The following UBE2E2 variants were observed in gnomAD, a reference collection of about 807,000 sequenced individuals.
The protein encoded by UBE2E2 is ubiquitin-conjugating enzyme E2 E2.
In UBE2E2, 6 loss-of-function variants were observed where a neutral mutation model predicts 24.7. The observed-to-expected ratio is 0.24, with a 90% CI of 0.13 to 0.48. The LOEUF (loss-of-function observed/expected upper bound fraction) is 0.48, where lower values mean the gene tolerates loss of function less well. Ranked by LOEUF, UBE2E2 falls within the 20% of genes least tolerant of loss-of-function variation. The pLI, the probability that UBE2E2 is intolerant of heterozygous loss-of-function variation, is 0.99. For missense variants in UBE2E2, 169 were observed against 245.0 expected, an observed-to-expected ratio of 0.69 and a Z score of 2.07; for synonymous variants, 104 against 83.6, an observed-to-expected ratio of 1.24 and a Z score of -1.33.
At chr3:23,544,901 G>C (rs199652978) in intron 5 of UBE2E2, among the ~76,000 whole-genome samples, 11 of 152,076 alleles carry the variant, frequency 7.2e-5, no homozygotes, top group Non-Finnish European at 1.0e-4. Context: ...ATAGTGGGGA[G>C]AGGGTCAGCA....
intron 4 of UBE2E2, among the ~76,000 whole-genome samples, chr3:23,512,877 A>C (rs111517440): frequency 0.036 from 5,493 of 152,226 alleles, 339 homozygotes; most frequent in African/African-American, 0.12. Flanking sequence ...CCCAGGAGGC[A>C]GAGGTTGCAG....
At chr3:23,302,565 G>C (rs1167520674) in intron 3 of UBE2E2, among the ~76,000 whole-genome samples, 2 of 152,144 alleles carry the variant, frequency 1.3e-5, no homozygotes, top group African/African-American at 4.8e-5. Context: ...GTGCTGAATA[G>C]CTTATCATCT....
chr3:23,499,068 A>C (rs556751424), intron 3 of UBE2E2, among the ~76,000 whole-genome samples: 1 of 152,362 alleles, frequency 6.6e-6, no homozygotes, highest in East Asian at 1.9e-4. Flanking sequence ...CAGTTATAAA[A>C]CAAAATGATA....
intron 3 of UBE2E2, among the ~76,000 whole-genome samples, chr3:23,292,490 A>C (rs1236406964): frequency 6.6e-6 from 1 of 152,094 alleles, no homozygotes; most frequent in African/African-American, 2.4e-5. Flanking sequence ...CATAGGGCCC[A>C]AGGCTTGCTC....
rs199806816 is a variant in UBE2E2, at chr3:23,334,567, T to C, written c.227+117255T>C. ...TAAGTGAAGAAATTATAACTATAAT[T>C]TCGAAGTTTATTTTAAATAATCTAG... On this transcript the variant is annotated intron_variant, in intron 3 of 5. Transcript: ENST00000396703. Among the ~76,000 whole-genome samples, 3 of 152,326 alleles carry C rather than the reference T, an allele frequency of 2.0e-5. No homozygotes were observed. In the East Asian group the frequency reaches 5.8e-4, roughly 29 times the overall value.
rs147057735 is a variant in UBE2E2, at chr3:23,373,486, G to A, written c.228-126122G>A. Among the ~76,000 whole-genome samples, 323 of 152,142 alleles carry A rather than the reference G, an allele frequency of 2.1e-3. 1 individual carries two copies. The highest frequency in any genetic ancestry group is 6.9e-3 in the African/African-American group (286 of 41,494). ...AGGTGCCAAAGACACTCTGCTTGGT[G>A]CCTAAGACACCAAAGTGAAAACAAC... On this transcript the variant is annotated intron_variant, in intron 3 of 5. Transcript: ENST00000396703.
At chr3:23,206,023 C>A (rs6550745) in intron 1 of UBE2E2, among the ~76,000 whole-genome samples, 152,210 of 152,356 alleles carry the variant, frequency 1, 76,032 homozygotes, top group Middle Eastern at 1. Context: ...TAGTTTATTA[C>A]GCTGAAGCTG....
chr3:23,357,984 C>A (rs1319964127), intron 3 of UBE2E2, among the ~76,000 whole-genome samples: 2 of 152,124 alleles, frequency 1.3e-5, no homozygotes, highest in Admixed American at 6.5e-5. Context: ...TGCAGGTGTG[C>A]ACCACCATGC....
intron 5 of UBE2E2, among the ~76,000 whole-genome samples, chr3:23,584,177 T>C (rs1010606086): frequency 3.9e-5 from 6 of 152,174 alleles, no homozygotes; most frequent in Admixed American, 3.3e-4. Context: ...GATGATCACG[T>C]GGTTTTTTGT....
chr3:23,265,635 G>A (rs1409564973), intron 3 of UBE2E2, among the ~76,000 whole-genome samples: 1 of 152,166 alleles, frequency 6.6e-6, no homozygotes, highest in Non-Finnish European at 1.5e-5. Flanking sequence ...GCATGTGGTT[G>A]AGGCCACAGG....
chr3:23,579,615 A>T (rs2125517846), intron 5 of UBE2E2, among the ~76,000 whole-genome samples: 1 of 150,032 alleles, frequency 6.7e-6, no homozygotes, highest in Middle Eastern at 3.6e-3. Flanking sequence ...CAGGAGGATC[A>T]CTTGAGCCCA....
chr3:23,372,416 C>T (rs112937328), intron 3 of UBE2E2, among the ~76,000 whole-genome samples: 4 of 152,236 alleles, frequency 2.6e-5, no homozygotes, highest in Non-Finnish European at 5.9e-5. Flanking sequence ...AATTTCCCAA[C>T]ACTGACCTCT....
intron 3 of UBE2E2, among the ~76,000 whole-genome samples, chr3:23,463,237 AGAT>A (rs1471550181): frequency 2.6e-5 from 4 of 152,128 alleles, no homozygotes; most frequent in Non-Finnish European, 4.4e-5. Context: ...AGAAAAAAAA[AGAT>A]GATAACTAAA....
intron 3 of UBE2E2, among the ~76,000 whole-genome samples, chr3:23,312,097 C>G (rs1694419464): frequency 6.6e-6 from 1 of 151,416 alleles, no homozygotes; most frequent in African/African-American, 2.4e-5. Context: ...TCCCTCCTCT[C>G]TTTCTCCTAC....
chr3:23,526,547 C>T (rs142433565), intron 4 of UBE2E2, among the ~76,000 whole-genome samples: 1 of 152,282 alleles, frequency 6.6e-6, no homozygotes, highest in East Asian at 1.9e-4. Context: ...ATGAGTAATT[C>T]ATGATTTCAT....
intron 3 of UBE2E2, among the ~76,000 whole-genome samples, chr3:23,413,526 GT>G (rs945435149): frequency 6.6e-6 from 1 of 152,058 alleles, no homozygotes. Context: ...AGCTTCTAAT[GT>G]TTTTTCTTCA....
chr3:23,296,750 A>G (rs1422243253), intron 3 of UBE2E2, among the ~76,000 whole-genome samples: 8 of 152,174 alleles, frequency 5.3e-5, no homozygotes, highest in African/African-American at 1.9e-4. Flanking sequence ...GCTATTGTGA[A>G]TAGTGCCGCA....
At position 23,583,753 on chromosome 3, in the gene UBE2E2, G is replaced by C. The variant is rs79583930; in HGVS notation, c.509-5981G>C. On this transcript the variant is annotated intron_variant, in intron 5 of 5. Transcript: ENST00000396703. This position sits in a 1 kb window ranked among gnomAD's most constrained non-coding sequence, Gnocchi z 4.1. ...ATGCATAGAAATGCTACTGATTTTT[G>C]TGCATTGATTTTGTATCCTGACACT... 6.6e-6 allele frequency among the ~76,000 whole-genome samples: 1 copy of C among 152,058 alleles called. No individual in the cohort carries two copies. Among genetic ancestry groups the C allele is most frequent in the African/African-American group, 2.4e-5 (1 of 41,406 alleles).
chr3:23,281,754 A>G (rs1436927119), intron 3 of UBE2E2, among the ~76,000 whole-genome samples: 1 of 152,252 alleles, frequency 6.6e-6, no homozygotes, highest in Non-Finnish European at 1.5e-5. Context: ...AGAAAATACT[A>G]TTTCTGAGAA....
Sources: allele counts gnomAD v4.1 joint callset (sites outside exome capture counted in the v4.1 genomes callset), GRCh38; gene constraint gnomAD v4.1.1; non-coding constraint Gnocchi (gnomAD v3.1); transcripts MANE v1.5; gene names NCBI Gene and HGNC (gene_info 2026-07-23, HGNC 2026-07-21).